XKR4: variants seen among roughly 807,000 people sequenced by gnomAD.
XKR4 encodes the protein XK related 4.
In XKR4, 12 loss-of-function variants were observed where a neutral mutation model predicts 53.9. That is an observed-to-expected ratio of 0.22 (90% CI 0.14 to 0.36). The LOEUF (loss-of-function observed/expected upper bound fraction) is 0.36, where lower values mean the gene tolerates loss of function less well. XKR4 is among the 10% of genes least tolerant of loss of function. The pLI is 1.00. For missense variants in XKR4, 799 were observed against 859.5 expected (o/e 0.93, Z 0.88); for synonymous variants, 354 against 362.4 (o/e 0.98, Z 0.26).
chr8:55,255,752 T>C (rs1818430235), intron 1 of XKR4, among the ~76,000 whole-genome samples: 1 of 152,084 alleles, frequency 6.6e-6, no homozygotes, highest in African/African-American at 2.4e-5. Context: ...CAAGGAGCTC[T>C]TTGTTTAAGT....
At chr8:55,519,523 A>AATGTCAGTG (rs1242096750) in intron 2 of XKR4, among the ~76,000 whole-genome samples, 1 of 152,202 alleles carries the variant, frequency 6.6e-6, no homozygotes, top group Admixed American at 6.5e-5. Context: ...CTCTTCAAAC[A>AATGTCAGTG]ATGTCAGTGT....
At chr8:55,240,808 C>T (rs1410221934) in intron 1 of XKR4, among the ~76,000 whole-genome samples, 1 of 152,200 alleles carries the variant, frequency 6.6e-6, no homozygotes, top group African/African-American at 2.4e-5. Context: ...ATACATGTGA[C>T]TCATGTGACT....
intron 1 of XKR4, among the ~76,000 whole-genome samples, chr8:55,221,423 T>C (rs1817879168): frequency 6.6e-6 from 1 of 152,126 alleles, no homozygotes. Flanking sequence ...CTTCATTTGC[T>C]CTCCTGAGCA....
At chr8:55,459,884 T>G (rs1374171917) in intron 2 of XKR4, among the ~76,000 whole-genome samples, 2 of 152,048 alleles carry the variant, frequency 1.3e-5, no homozygotes, top group Non-Finnish European at 2.9e-5. Context: ...AAGTTAAATA[T>G]TAATAATATT....
intron 1 of XKR4, among the ~76,000 whole-genome samples, chr8:55,296,914 G>C (rs1369383138): frequency 6.6e-6 from 1 of 152,162 alleles, no homozygotes; most frequent in East Asian, 1.9e-4. Context: ...AGGGCCATCA[G>C]TTAATACATT....
At chr8:55,442,152 G>A (rs935083914) in intron 2 of XKR4, among the ~76,000 whole-genome samples, 7 of 151,764 alleles carry the variant, frequency 4.6e-5, no homozygotes, top group South Asian at 4.2e-4. Context: ...AATAAAAAGG[G>A]GCATTAATAT....
At chr8:55,455,091 G>C in intron 2 of XKR4, 1 of 673,984 alleles carries the variant, frequency 1.5e-6, no homozygotes, top group Non-Finnish European at 2.7e-6. Context: ...CTCCCGCGCG[G>C]GTGCGGCCTG....
At chr8:55,348,691 TACACACAC>T (rs796321076) in intron 1 of XKR4, among the ~76,000 whole-genome samples, 5 of 136,218 alleles carry the variant, frequency 3.7e-5, no homozygotes, top group East Asian at 2.2e-4. Flanking sequence ...CAGACAAACA[TACACACAC>T]ACACACACAC....
At chr8:55,401,311 C>T (rs1804598408) in intron 2 of XKR4, among the ~76,000 whole-genome samples, 1 of 152,154 alleles carries the variant, frequency 6.6e-6, no homozygotes, top group African/African-American at 2.4e-5. Flanking sequence ...TCCCAGAGCA[C>T]ACAAGGAGTG....
intron 1 of XKR4, among the ~76,000 whole-genome samples, chr8:55,187,305 C>CAAAAAAAA (rs1168014848): frequency 4.9e-4 from 47 of 95,696 alleles, no homozygotes; most frequent in East Asian, 6.2e-4. Flanking sequence ...TTTCCAGGAC[C>CAAAAAAAA]AAAAAAAAAA....
intron 1 of XKR4, among the ~76,000 whole-genome samples, chr8:55,118,633 G>A (rs527677729): frequency 2.0e-5 from 3 of 152,116 alleles, no homozygotes; most frequent in East Asian, 1.9e-4. Flanking sequence ...AATGCCAAAC[G>A]TTCATTTCTA....
At chr8:55,422,325 T>G (rs1157957273) in intron 2 of XKR4, among the ~76,000 whole-genome samples, 1 of 152,178 alleles carries the variant, frequency 6.6e-6, no homozygotes, top group African/African-American at 2.4e-5. Context: ...AAAGGCATAA[T>G]TTTACAAATG....
intron 2 of XKR4, among the ~76,000 whole-genome samples, chr8:55,480,095 AC>A (rs774615559): frequency 3.3e-5 from 5 of 152,158 alleles, no homozygotes; most frequent in South Asian, 2.1e-4. Flanking sequence ...AGAGACACCA[AC>A]AAAAAAGAGA....
intron 1 of XKR4, among the ~76,000 whole-genome samples, chr8:55,227,760 C>T (rs778852616): frequency 1.5e-4 from 23 of 152,162 alleles, no homozygotes; most frequent in Non-Finnish European, 8.8e-5. Context: ...GCCACAGCCA[C>T]CCCTGTGTGA....
chr8:55,408,746 C>A (rs1302259516), intron 2 of XKR4, among the ~76,000 whole-genome samples: 2 of 152,110 alleles, frequency 1.3e-5, no homozygotes, highest in Non-Finnish European at 2.9e-5. Context: ...CGGTGGTTCG[C>A]GCCTGTAATC....
rs566860632 is a variant in XKR4, at chr8:55,527,293, A to C, written c.*3066A>C. 1.4e-4 allele frequency: 22 copies of C among 152,230 alleles called. No homozygotes were observed. Among genetic ancestry groups the C allele is most frequent in the Non-Finnish European group, 2.9e-5 (2 of 68,026 alleles). 9.4% of individuals were successfully genotyped at this position (152,230 alleles called of 1,614,324 possible). On this transcript the variant is annotated 3_prime_UTR_variant, in exon 3 of 3. Coordinates refer to ENST00000327381, the MANE Select transcript of XKR4 (RefSeq NM_052898.2). ...ACCCTCCGCAGACAGTAACTGGAGA[A>C]TCCCAAAGGAAAAAATTGGAAATGC...
chr8:55,354,237 T>C (rs1803766901), intron 1 of XKR4, among the ~76,000 whole-genome samples: 1 of 152,036 alleles, frequency 6.6e-6, no homozygotes, highest in Non-Finnish European at 1.5e-5. Flanking sequence ...GGAGGAGAGA[T>C]ATGGAGGGAG....
chr8:55,168,980 A>G (rs1240539192), intron 1 of XKR4, among the ~76,000 whole-genome samples: 1 of 152,218 alleles, frequency 6.6e-6, no homozygotes, highest in Non-Finnish European at 1.5e-5. Context: ...TCACGTCTTG[A>G]TGAACATTTC....
chr8:55,462,801 C>T (rs1239952013), intron 2 of XKR4, among the ~76,000 whole-genome samples: 1 of 151,456 alleles, frequency 6.6e-6, no homozygotes, highest in Non-Finnish European at 1.5e-5. Context: ...AAATGGAAAA[C>T]AAAAAAAGGC....
Sources: gnomAD v4.1 joint callset for allele counts (sites outside exome capture counted in the v4.1 genomes callset) on GRCh38, gnomAD v4.1.1 for gene constraint, MANE v1.5 for transcripts, NCBI Gene and HGNC (gene_info 2026-07-23, HGNC 2026-07-21) for gene names.